The following AKAP19 variants were observed in gnomAD, a reference collection of about 807,000 sequenced individuals.
AKAP19 encodes the protein A-kinase anchoring protein 19, also known as small A-kinase anchoring protein.
the AKAP19 span, among the ~76,000 whole-genome samples, chr2:190,054,015 C>T: frequency 6.6e-6 from 1 of 151,970 alleles, no homozygotes; most frequent in Non-Finnish European, 1.5e-5. Context: ...TACTTTACAA[C>T]TGTTTTGCAA....
the AKAP19 span, chr2:189,923,706 A>G: frequency 1.9e-6 from 3 of 1,613,890 alleles, no homozygotes; most frequent in Admixed American, 1.7e-5. Context: ...GATAGGATGT[A>G]CAGTTACCCA....
the AKAP19 span, chr2:190,062,554 G>A: frequency 6.2e-7 from 1 of 1,612,938 alleles, no homozygotes; most frequent in Non-Finnish European, 8.5e-7. Flanking sequence ...GCAACAATCA[G>A]CATAAACAGG....
At chr2:190,106,803 C>T in the AKAP19 span, among the ~76,000 whole-genome samples, 1 of 152,162 alleles carries the variant, frequency 6.6e-6, no homozygotes, top group South Asian at 2.1e-4. Context: ...ACTACTACTT[C>T]ACTATAATGT....
At chr2:189,885,290 T>G in the AKAP19 span, among the ~76,000 whole-genome samples, 1 of 152,138 alleles carries the variant, frequency 6.6e-6, no homozygotes. Flanking sequence ...AAATGGTAAC[T>G]GTGGGGAAGC....
the AKAP19 span, among the ~76,000 whole-genome samples, chr2:189,946,304 A>G: frequency 6.6e-6 from 1 of 152,218 alleles, no homozygotes; most frequent in African/African-American, 2.4e-5. Flanking sequence ...CTTAGGTACT[A>G]TGAAACTTCA....
the AKAP19 span, among the ~76,000 whole-genome samples, chr2:189,914,038 T>C: frequency 1.4e-3 from 217 of 152,186 alleles, no homozygotes; most frequent in Non-Finnish European, 2.5e-3. Flanking sequence ...GTGTGTTTCG[T>C]TTAGAACAGC....
At chr2:189,926,223 A>T in the AKAP19 span, among the ~76,000 whole-genome samples, 1 of 152,248 alleles carries the variant, frequency 6.6e-6, no homozygotes, top group African/African-American at 2.4e-5. Context: ...ACTCTGTGGA[A>T]ATGACACAAT....
the AKAP19 span, among the ~76,000 whole-genome samples, chr2:190,002,275 G>C: frequency 6.6e-6 from 1 of 152,158 alleles, no homozygotes; most frequent in Non-Finnish European, 1.5e-5. Flanking sequence ...TTGGGAAGAG[G>C]ATTTGCTTTG....
At chr2:190,186,862 C>G in the AKAP19 span, among the ~76,000 whole-genome samples, 4 of 151,906 alleles carry the variant, frequency 2.6e-5, no homozygotes, top group African/African-American at 7.3e-5. The surrounding 1 kb of genome is among the most constrained non-coding windows in gnomAD (Gnocchi z 5.5). Flanking sequence ...TTTTTTGAGA[C>G]TGAGTCTCAC....
chr2:190,067,630 A>G, the AKAP19 span, among the ~76,000 whole-genome samples: 1 of 152,216 alleles, frequency 6.6e-6, no homozygotes, highest in African/African-American at 2.4e-5. Flanking sequence ...GACTGAAATT[A>G]GTAGTCTTAA....
the AKAP19 span, among the ~76,000 whole-genome samples, chr2:190,173,488 G>T: frequency 6.6e-6 from 1 of 152,154 alleles, no homozygotes; most frequent in Non-Finnish European, 1.5e-5. Context: ...TGTAGTACTG[G>T]GGTGAATGTA....
At chr2:190,191,639 G>T in the AKAP19 span, among the ~76,000 whole-genome samples, 1 of 152,078 alleles carries the variant, frequency 6.6e-6, no homozygotes, top group East Asian at 1.9e-4. Flanking sequence ...ACCAGCACTT[G>T]GTATTATTTT....
At chr2:190,060,134 A>T in the AKAP19 span, 7 of 1,612,902 alleles carry the variant, frequency 4.3e-6, no homozygotes, top group Non-Finnish European at 8.5e-7. Context: ...CTTTTATTTC[A>T]ATGCCTAAGT....
the AKAP19 span, among the ~76,000 whole-genome samples, chr2:189,986,047 G>T: frequency 6.6e-6 from 1 of 152,060 alleles, no homozygotes; most frequent in South Asian, 2.1e-4. Flanking sequence ...TTTGAGAGAG[G>T]CTAGCCATAG....
the AKAP19 span, among the ~76,000 whole-genome samples, chr2:190,016,232 G>A: frequency 6.6e-6 from 1 of 152,192 alleles, no homozygotes; most frequent in Non-Finnish European, 1.5e-5. Context: ...CTGAGACTGG[G>A]TAATTTGTAA....
the AKAP19 span, among the ~76,000 whole-genome samples, chr2:190,190,847 G>C: frequency 1.3e-5 from 2 of 152,122 alleles, no homozygotes; most frequent in South Asian, 2.1e-4. Context: ...CGCATGTTTA[G>C]ATTTGTTACA....
At chr2:189,975,334 T>G in the AKAP19 span, among the ~76,000 whole-genome samples, 14 of 152,236 alleles carry the variant, frequency 9.2e-5, no homozygotes, top group Non-Finnish European at 1.9e-4. Flanking sequence ...CTTGTAGAGT[T>G]TCTGCTGAGA....
the AKAP19 span, among the ~76,000 whole-genome samples, chr2:190,015,885 C>A: frequency 3.5e-4 from 53 of 152,290 alleles, no homozygotes; most frequent in South Asian, 6.2e-4. Context: ...AGGGCAAGGG[C>A]AAAATGCTGC....
the AKAP19 span, among the ~76,000 whole-genome samples, chr2:190,102,140 A>G: frequency 3.3e-5 from 5 of 152,172 alleles, no homozygotes; most frequent in African/African-American, 1.2e-4. Context: ...AAATACCTTG[A>G]AATAAATGAA....
Sources: gnomAD v4.1 joint callset for allele counts (sites outside exome capture counted in the v4.1 genomes callset) on GRCh38, gnomAD v4.1.1 for gene constraint, Gnocchi (gnomAD v3.1) non-coding constraint, MANE v1.5 for transcripts, NCBI Gene and HGNC (gene_info 2026-07-23, HGNC 2026-07-21) for gene names.